Variants in CACNA1D observed in about 807,000 individuals in gnomAD.
CACNA1D encodes calcium voltage-gated channel subunit alpha1 D.
In CACNA1D, 55 loss-of-function variants were observed where a neutral mutation model predicts 257.1. The observed-to-expected ratio is 0.21, with a 90% CI of 0.17 to 0.27. The LOEUF (loss-of-function observed/expected upper bound fraction) is 0.27, where lower values mean the gene tolerates loss of function less well. CACNA1D is among the 10% of genes least tolerant of loss of function. The pLI is 1.00. For synonymous variants in CACNA1D, 980 were observed against 1,014.9 expected, an observed-to-expected ratio of 0.97 and a Z score of 0.65; for missense variants, 1,876 against 2,784.0, an observed-to-expected ratio of 0.67 and a Z score of 7.34.
chr3:53,606,521 A>G (rs1328989043), intron 3 of CACNA1D, among the ~76,000 whole-genome samples: 1 of 152,216 alleles, frequency 6.6e-6, no homozygotes, highest in African/African-American at 2.4e-5. Context: ...AGTAGAAAAG[A>G]CTTGGAAATG....
chr3:53,605,242 C>A (rs909578488), intron 3 of CACNA1D, among the ~76,000 whole-genome samples: 1 of 152,162 alleles, frequency 6.6e-6, no homozygotes, highest in Non-Finnish European at 1.5e-5. Flanking sequence ...TGTGAGACCA[C>A]CGTGGAGGGC....
chr3:53,780,805 G>A (rs1344730956), intron 38 of CACNA1D, among the ~76,000 whole-genome samples: 1 of 152,206 alleles, frequency 6.6e-6, no homozygotes, highest in Non-Finnish European at 1.5e-5. Flanking sequence ...CCAGGAGGTG[G>A]GGGGAGGTGG....
chr3:53,511,747 A>G (rs1403024224), intron 3 of CACNA1D, among the ~76,000 whole-genome samples: 1 of 152,186 alleles, frequency 6.6e-6, no homozygotes, highest in Admixed American at 6.5e-5. Flanking sequence ...TTCATAAAGT[A>G]CTTTTTAAAG....
At chr3:53,585,469 CTT>C (rs1450490896) in intron 3 of CACNA1D, among the ~76,000 whole-genome samples, 1 of 152,176 alleles carries the variant, frequency 6.6e-6, no homozygotes, top group Non-Finnish European at 1.5e-5. Flanking sequence ...AACCCAGACT[CTT>C]GAGTTGAGGC....
chr3:53,638,652 G>A (rs990506557), intron 3 of CACNA1D, among the ~76,000 whole-genome samples: 7 of 152,352 alleles, frequency 4.6e-5, no homozygotes, highest in African/African-American at 1.7e-4. Context: ...CAGTGAAGAA[G>A]CTGCAGTGAG....
intron 3 of CACNA1D, among the ~76,000 whole-genome samples, chr3:53,555,665 T>C (rs1176453570): frequency 3.3e-5 from 5 of 152,022 alleles, no homozygotes; most frequent in African/African-American, 1.2e-4. Flanking sequence ...TCCTCCCAAC[T>C]TGTTATCAGT....
chr3:53,742,551 G>A (rs2095128211), intron 21 of CACNA1D, among the ~76,000 whole-genome samples: 1 of 152,170 alleles, frequency 6.6e-6, no homozygotes, highest in Non-Finnish European at 1.5e-5. Flanking sequence ...AAGTGATGTA[G>A]GTCCATAGAG....
At chr3:53,538,406 A>G (rs1194182240) in intron 3 of CACNA1D, among the ~76,000 whole-genome samples, 1 of 152,060 alleles carries the variant, frequency 6.6e-6, no homozygotes, top group Non-Finnish European at 1.5e-5. Flanking sequence ...ATCCGTCCCC[A>G]TCGGCCTCCC....
At chr3:53,622,814 A>T (rs1349865956) in intron 3 of CACNA1D, among the ~76,000 whole-genome samples, 1 of 152,246 alleles carries the variant, frequency 6.6e-6, no homozygotes, top group Non-Finnish European at 1.5e-5. Context: ...ATATATTCAT[A>T]CAATGGAATG....
chr3:53,586,466 T>C (rs1315037031), intron 3 of CACNA1D, among the ~76,000 whole-genome samples: 3 of 151,942 alleles, frequency 2.0e-5, no homozygotes, highest in Non-Finnish European at 2.9e-5. Context: ...CACCCTACAG[T>C]GTCTGCAGTG....
chr3:53,650,817 C>T lies in CACNA1D; in HGVS notation c.522C>T (p.Val174=), dbSNP rs773161211. ...ATGCCTTCCTGATTATTTTTACAGT[C>T]GAGACATTTTTGAAGATTATAGCGT... ...VEYAFLIIFT[V]ETFLKIIAYG... Residue 174 remains valine (V), a synonymous_variant, in exon 4 of 48, where the codon GTC becomes GTT. Transcript: ENST00000350061. 15 of 1,613,376 alleles carry T rather than the reference C, an allele frequency of 9.3e-6. No individual in the cohort carries two copies. Among genetic ancestry groups the T allele is most frequent in the Admixed American group, 5.0e-5 (3 of 59,986 alleles).
chr3:53,520,262 C>T (rs2091499143), intron 3 of CACNA1D, among the ~76,000 whole-genome samples: 1 of 152,224 alleles, frequency 6.6e-6, no homozygotes, highest in Non-Finnish European at 1.5e-5. Context: ...CCACCAGCAA[C>T]ATGTGGAGGT....
intron 9 of CACNA1D, among the ~76,000 whole-genome samples, chr3:53,710,954 G>A (rs997647318): frequency 6.6e-6 from 1 of 152,176 alleles, no homozygotes; most frequent in Admixed American, 6.5e-5. Context: ...AAATTAGCTG[G>A]ATGCAGTGGC....
chr3:53,705,795 A>G (rs187472242), intron 9 of CACNA1D, among the ~76,000 whole-genome samples: 2 of 152,234 alleles, frequency 1.3e-5, no homozygotes, highest in East Asian at 3.9e-4. Flanking sequence ...AGCAGCCCAG[A>G]CCCTCTGGAG....
chr3:53,578,614 G>A (rs2093079150), intron 3 of CACNA1D, among the ~76,000 whole-genome samples: 1 of 152,134 alleles, frequency 6.6e-6, no homozygotes, highest in South Asian at 2.1e-4. Context: ...GTTTCTGGAG[G>A]CGGAGGTCTA....
chr3:53,675,130 C>T (rs753948778), intron 8 of CACNA1D, among the ~76,000 whole-genome samples: 1 of 152,168 alleles, frequency 6.6e-6, no homozygotes, highest in Non-Finnish European at 1.5e-5. Context: ...ACAGGAAGTC[C>T]CTATGTAGAG....
chr3:53,609,628 T>C (rs2093558177), intron 3 of CACNA1D, among the ~76,000 whole-genome samples: 1 of 152,206 alleles, frequency 6.6e-6, no homozygotes, highest in South Asian at 2.1e-4. Context: ...CTTTCTTTTA[T>C]TTCTGATACC....
chr3:53,582,648 G>T (rs2107757305), intron 3 of CACNA1D, among the ~76,000 whole-genome samples: 1 of 152,216 alleles, frequency 6.6e-6, no homozygotes, highest in Non-Finnish European at 1.5e-5. Context: ...GGATCTGGTT[G>T]CTCAATAGCA....
At chr3:53,761,807 C>T (rs1576589146) in intron 29 of CACNA1D, among the ~76,000 whole-genome samples, 191 bp from the exon 30 acceptor site, 1 of 152,140 alleles carries the variant, frequency 6.6e-6, no homozygotes, top group East Asian at 1.9e-4. Context: ...CCTTCTCTCA[C>T]ACATAAAGGT....
Sources: allele counts gnomAD v4.1 joint callset (sites outside exome capture counted in the v4.1 genomes callset), GRCh38; gene constraint gnomAD v4.1.1; transcripts MANE v1.5; gene names NCBI Gene and HGNC (gene_info 2026-07-23, HGNC 2026-07-21).